TRAF3IP1: variants seen among roughly 807,000 people sequenced by gnomAD.
TRAF3IP1 encodes intraflagellar transport 54.
Under a neutral mutation model 89.9 loss-of-function variants are expected in TRAF3IP1, and 53 were observed. The ratio of observed to expected loss-of-function variants is 0.59; its 90% CI spans 0.47 to 0.74. The LOEUF is 0.74. Among genes scored for constraint, TRAF3IP1 ranks in the 30% least tolerant of loss-of-function variants. TRAF3IP1 has a pLI of 0.00. For synonymous variants in TRAF3IP1, 311 were observed against 322.1 expected, an observed-to-expected ratio of 0.97 and a Z score of 0.37; for missense variants, 806 against 866.1, an observed-to-expected ratio of 0.93 and a Z score of 0.87.
intron 15 of TRAF3IP1, among the ~76,000 whole-genome samples, chr2:238,372,722 G>A (rs913095514): frequency 2.0e-5 from 3 of 152,160 alleles, no homozygotes; most frequent in African/African-American, 4.8e-5. Flanking sequence ...CTTCCACAAC[G>A]GCTGAACTAA....
intron 15 of TRAF3IP1, among the ~76,000 whole-genome samples, chr2:238,375,849 T>C (rs1355784868): frequency 6.6e-6 from 1 of 152,254 alleles, no homozygotes; most frequent in Non-Finnish European, 1.5e-5. Flanking sequence ...TGTTTTGACA[T>C]GTACATGCTT....
Position 238,377,230 on chromosome 2 carries a change from C to CTTTTTT in TRAF3IP1, c.1690-20211_1690-20206dup, listed in dbSNP as rs71402784. 7.3e-3 allele frequency among the ~76,000 whole-genome samples: 629 copies of CTTTTTT among 86,696 alleles called. 26 individuals are homozygous for CTTTTTT. The highest frequency in any genetic ancestry group is 0.029 in the Middle Eastern group (2 of 68). The allele number at this position is 86,696 out of a possible 152,430, so 56.9% of individuals were successfully genotyped here. A position where few individuals can be genotyped will look rare whatever the true frequency, so the allele number is the denominator to read the frequency against. ...CCTCGTTTCCTTCCTTCCTGATTTT[C>CTTTTTT]TTTTTTTTTTTTTTTTTTTTTTTGA... On this transcript the variant is annotated intron_variant, in intron 15 of 16. Transcript: ENST00000373327.
Position 238,332,519 on chromosome 2 carries a change from G to C in TRAF3IP1, c.916-305G>C, listed in dbSNP as rs146983273. On this transcript the variant is annotated intron_variant, in intron 5 of 16. Coordinates refer to ENST00000373327, the MANE Select transcript of TRAF3IP1 (RefSeq NM_015650.4). ...TGGGTTTCATTGCGATATGTTTCCA[G>C]GAAGTTCGGTGTGGCGTAGGGATTC... 7.4e-4 allele frequency among the ~76,000 whole-genome samples: 113 copies of C among 152,302 alleles called. 2 individuals are homozygous for C. Among genetic ancestry groups the C allele is most frequent in the African/African-American group, 2.6e-3 (106 of 41,554 alleles).
In TRAF3IP1 at chr2:238,320,581, C is replaced by G; in HGVS notation, c.-82C>G. 2 of 1,076,124 alleles carry G rather than the reference C, an allele frequency of 1.9e-6. No homozygotes were observed. 66.7% of individuals were successfully genotyped at this position (1,076,124 alleles called of 1,614,324 possible). A position where few individuals can be genotyped will look rare whatever the true frequency, so the allele number is the denominator to read the frequency against. ...GGACCGGGCGGCGGCGGCGGCGGGG[C>G]CGGCGGCGGCCAGGGACCCGGGCTT... On this transcript the variant is annotated 5_prime_UTR_variant, in exon 1 of 17. Transcript: ENST00000373327.
chr2:238,325,182 G>A (rs949549671), intron 1 of TRAF3IP1, 124 bp from the exon 2 acceptor site: 2 of 926,578 alleles, frequency 2.2e-6, no homozygotes, highest in African/African-American at 3.3e-5. Context: ...TATTTCTTAA[G>A]TGGATGATTC....
chr2:238,324,976 A>C (rs890990947), intron 1 of TRAF3IP1, among the ~76,000 whole-genome samples: 2 of 152,094 alleles, frequency 1.3e-5, no homozygotes, highest in African/African-American at 4.8e-5. Context: ...CCTGGTCCCC[A>C]TCTAGGTATG....
chr2:238,342,026 A>G (rs538447607), intron 8 of TRAF3IP1, among the ~76,000 whole-genome samples: 7 of 151,734 alleles, frequency 4.6e-5, no homozygotes, highest in Non-Finnish European at 5.9e-5. Flanking sequence ...GTCTCACTCT[A>G]TTGCCAGGTT....
At chr2:238,334,151 T>TTCATTCCCAGACACAGCAA in intron 7 of TRAF3IP1, 116 bp downstream of exon 7, 1 of 771,158 alleles carries the variant, frequency 1.3e-6, no homozygotes, top group South Asian at 1.7e-5. Context: ...AGACTTGCTG[T>TTCATTCCCAGACACAGCAA]GTCTGGGAAT....
rs571185941 is a variant in TRAF3IP1 at position 238,349,844 on chromosome 2, C to T, written c.1451+436C>T. ...CAACATTTTGGGAGGCCGAGGCGGG[C>T]GGATGGCTTGAGGTCAGGAGTTTGA... is the stretch of plus-strand genomic sequence containing the variant. On this transcript the variant is annotated intron_variant, in intron 12 of 16. Transcript: ENST00000373327. 1.9e-4 allele frequency among the ~76,000 whole-genome samples: 29 copies of T among 152,234 alleles called. No individual in the cohort carries two copies. The South Asian group carries it at 5.6e-3, about 29-fold the overall frequency.
chr2:238,321,606 T>G (rs1697551113), intron 1 of TRAF3IP1, among the ~76,000 whole-genome samples: 1 of 152,196 alleles, frequency 6.6e-6, no homozygotes, highest in Non-Finnish European at 1.5e-5. Flanking sequence ...GCTCTGGTGA[T>G]CTGCACTGGG....
At chr2:238,333,408 C>T (rs1243335564) in intron 6 of TRAF3IP1, among the ~76,000 whole-genome samples, 1 of 152,028 alleles carries the variant, frequency 6.6e-6, no homozygotes, top group Non-Finnish European at 1.5e-5. Context: ...GAGGTTGAAG[C>T]CAACTTTCGT....
intron 1 of TRAF3IP1, among the ~76,000 whole-genome samples, chr2:238,321,407 A>G (rs1697538406): frequency 6.6e-6 from 1 of 152,114 alleles, no homozygotes. Context: ...CCTCCATACC[A>G]CATTTTGGGT....
intron 5 of TRAF3IP1, among the ~76,000 whole-genome samples, chr2:238,331,675 G>A (rs1338520530): frequency 5.9e-5 from 9 of 152,200 alleles, no homozygotes; most frequent in Non-Finnish European, 1.5e-5. Context: ...AGGCTCTTCT[G>A]TGGACGATCT....
intron 15 of TRAF3IP1, among the ~76,000 whole-genome samples, chr2:238,395,683 CA>C (rs932561635): frequency 6.6e-6 from 1 of 150,398 alleles, no homozygotes; most frequent in Non-Finnish European, 1.5e-5. Flanking sequence ...AACAAATTTA[CA>C]AAAAAAAAAC....
chr2:238,332,994 G>A, intron 6 of TRAF3IP1, 99 bp downstream of exon 6: 1 of 871,600 alleles, frequency 1.1e-6, no homozygotes, highest in Non-Finnish European at 1.9e-6. Context: ...CATGGAAGGA[G>A]CACATGGTCT....
intron 3 of TRAF3IP1, among the ~76,000 whole-genome samples, chr2:238,326,691 G>C (rs1697851917): frequency 6.6e-6 from 1 of 152,120 alleles, no homozygotes; most frequent in African/African-American, 2.4e-5. Flanking sequence ...CTTGTATTGA[G>C]AGTGTAATTA....
At chr2:238,365,522 G>A (rs1354263528) in intron 15 of TRAF3IP1, among the ~76,000 whole-genome samples, 1 of 152,022 alleles carries the variant, frequency 6.6e-6, no homozygotes, top group African/African-American at 2.4e-5. Context: ...ATCAGACATG[G>A]TGGTGCATAC....
chr2:238,354,815 TA>T (rs1165567068), intron 14 of TRAF3IP1, among the ~76,000 whole-genome samples: 1 of 151,920 alleles, frequency 6.6e-6, no homozygotes. Flanking sequence ...CACACCCAGT[TA>T]TTTTTTTGTA....
In TRAF3IP1 at chr2:238,379,649, G is replaced by A. The variant is rs535492235; in HGVS notation, c.1690-17810G>A. Among the ~76,000 whole-genome samples the A allele has an allele frequency of 6.6e-6, 1 of 152,316 alleles. No homozygotes were observed. Among genetic ancestry groups the A allele is most frequent in the South Asian group, 2.1e-4 (1 of 4,822 alleles). Reference sequence around the variant, plus strand: ...CCACTTCCTGCTGCAGGTTTAGACGGTGGTTTCCTCCCCCGCTCACATGCC... The same window carrying A: ...CCACTTCCTGCTGCAGGTTTAGACGATGGTTTCCTCCCCCGCTCACATGCC... On this transcript the variant is annotated intron_variant, in intron 15 of 16. Coordinates refer to ENST00000373327, the MANE Select transcript of TRAF3IP1 (RefSeq NM_015650.4). This position sits in a 1 kb window ranked among gnomAD's most constrained non-coding sequence, Gnocchi z 4.0.
Sources: allele counts gnomAD v4.1 joint callset (sites outside exome capture counted in the v4.1 genomes callset), GRCh38; gene constraint gnomAD v4.1.1; non-coding constraint Gnocchi (gnomAD v3.1); transcripts MANE v1.5; gene names NCBI Gene and HGNC (gene_info 2026-07-23, HGNC 2026-07-21).